The following GPR179 variants were observed in gnomAD, a reference collection of about 807,000 sequenced individuals.
GPR179 encodes the protein G protein-coupled receptor 179.
Under a neutral mutation model 70.8 loss-of-function variants are expected in GPR179, and 52 were observed. The ratio of observed to expected loss-of-function variants is 0.73; its 90% CI spans 0.59 to 0.93. The LOEUF (loss-of-function observed/expected upper bound fraction) is 0.93, where lower values mean the gene tolerates loss of function less well. GPR179 is among the 40% of genes least tolerant of loss of function. GPR179 has a pLI of 0.00. For synonymous variants in GPR179, 1,123 were observed against 1,169.0 expected (o/e 0.96, Z 0.80); for missense variants, 2,734 against 2,966.8 (o/e 0.92, Z 1.82).
At position 38,327,501 on chromosome 17, in the gene GPR179, A is replaced by G. The variant is rs1175406133; in HGVS notation, c.6068T>C (p.Val2023Ala). The change falls in exon 11 of 11, where the codon GTG becomes GCG. Residue 2023 changes from valine (V) to alanine (A), a missense_variant. Coordinates refer to ENST00000616987, the MANE Select transcript of GPR179 (RefSeq NM_001004334.4). ...SAKAETCPWEVTERIPVKGVS... is the reference protein window; with the variant it reads ...SAKAETCPWEATERIPVKGVS... ...CCCTTTGACAGGGATTCTTTCAGTC[A>G]CTTCCCAGGGACAGGTCTCAGCCTT... The G allele has an allele frequency of 1.9e-6, 3 of 1,614,074 alleles. No individual in the cohort carries two copies. The highest frequency in any genetic ancestry group is 2.5e-6 in the Non-Finnish European group (3 of 1,180,016).
chr17:38,330,655 G>T lies in GPR179; in HGVS notation c.2914C>A (p.Pro972Thr), dbSNP rs1438517043. ...PALLPALAPT[P>T]APALAPVPVS... ...GGGACTGGTGCCAGGGCAGGGGCTG[G>T]GGTTGGAGCTAGAGCTGGCAGCAGA... The change falls in exon 11 of 11, where the codon CCA becomes ACA. Residue 972 changes from proline to threonine, a missense_variant. Coordinates refer to ENST00000616987, the MANE Select transcript of GPR179 (RefSeq NM_001004334.4). 3 of 1,597,984 alleles carry T rather than the reference G, an allele frequency of 1.9e-6. No homozygotes were observed. The South Asian group carries it at 3.4e-5, about 18-fold the overall frequency.
intron 10 of GPR179, among the ~76,000 whole-genome samples, chr17:38,332,454 G>A (rs1209060281): frequency 2.0e-5 from 3 of 152,154 alleles, no homozygotes; most frequent in Non-Finnish European, 4.4e-5. Context: ...CTTTTCCAGT[G>A]TAGACCCAGG....
intron 10 of GPR179, among the ~76,000 whole-genome samples, chr17:38,332,448 T>C (rs1231672623): frequency 6.6e-6 from 1 of 152,150 alleles, no homozygotes; most frequent in Non-Finnish European, 1.5e-5. Context: ...AGCATGCTTT[T>C]CCAGTGTAGA....
In GPR179 at chr17:38,326,322, T is replaced by C; in HGVS notation, c.*143A>G. 1 of 626,244 alleles carries C rather than the reference T, an allele frequency of 1.6e-6. No individual in the cohort carries two copies. The highest frequency in any genetic ancestry group is 2.8e-6 in the Non-Finnish European group (1 of 359,694). 38.8% of individuals were successfully genotyped at this position (626,244 alleles called of 1,614,324 possible). On this transcript the variant is annotated 3_prime_UTR_variant, in exon 11 of 11. Coordinates refer to ENST00000616987, the MANE Select transcript of GPR179 (RefSeq NM_001004334.4). ...TGTACCCTTTTCATGCAGTTTGTCT[T>C]TGGGATGGGTTGACTTCTGGTCTTC...
Position 38,329,341 on chromosome 17 carries a change from T to G in GPR179, c.4228A>C (p.Arg1410=), listed in dbSNP as rs753643461. ...KDLPQEKQKT[R]KATFWKEQKP... is the part of the protein sequence containing the mutation. ...TGTTCTTTCCAAAAGGTTGCTTTCC[T>G]GGTTTTCTGCTTTTCCTGAGGGAGA... The change falls in exon 11 of 11, where the codon AGG becomes CGG. Residue 1410 remains arginine, a synonymous_variant. Coordinates refer to ENST00000616987, the MANE Select transcript of GPR179 (RefSeq NM_001004334.4). 1 of 1,613,382 alleles carries G rather than the reference T, an allele frequency of 6.2e-7. No homozygotes were observed. Among genetic ancestry groups the G allele is most frequent in the South Asian group, 1.1e-5 (1 of 90,976 alleles).
chr17:38,329,117 A>G lies in GPR179; in HGVS notation c.4452T>C (p.Asp1484=), dbSNP rs775229291. The stretch of plus-strand genomic sequence containing the variant: ...GCATTTCCTGCCCCATCACGTTATC[A>G]TCCAGCTCCCAGGGACAGATCTCTG... ...QKAEICPWEL[D]DNVMGQEMLS... is the part of the protein sequence containing the mutation. The change falls in exon 11 of 11, where the codon GAT becomes GAC. Residue 1484 remains aspartate, a synonymous_variant. Transcript: ENST00000616987. 1 of 1,613,952 alleles carries G rather than the reference A, an allele frequency of 6.2e-7. No homozygotes were observed. Among genetic ancestry groups the G allele is most frequent in the East Asian group, 2.2e-5 (1 of 44,872 alleles).
Position 38,328,889 on chromosome 17 carries a change from T to C in GPR179, c.4680A>G (p.Gln1560=). ...CTCTGCTTCCTCCATTGCATAGGAA[T>C]TGGCTACCAGCTTTGGATGAGGAAT... The part of the protein sequence containing the change: ...LDNSSSKAGS[Q]FLCNGGSRAT... The change falls in exon 11 of 11, where the codon CAA becomes CAG. Residue 1560 remains glutamine (Q), a synonymous_variant. Transcript: ENST00000616987. 1 of 1,614,054 alleles carries C rather than the reference T, an allele frequency of 6.2e-7. No individual in the cohort carries two copies. The highest frequency in any genetic ancestry group is 2.2e-5 in the East Asian group (1 of 44,856).
rs1032658483 is a variant in GPR179, at chr17:38,325,702, T to TG, written c.*762dup. On this transcript the variant is annotated 3_prime_UTR_variant, in exon 11 of 11. Coordinates refer to ENST00000616987, the MANE Select transcript of GPR179 (RefSeq NM_001004334.4). ...CTGGAAGGAAGAGCTCCCTTGACTG[T>TG]GGGGAGGACCTGGGGCAATTGCTTT... is the stretch of plus-strand genomic sequence containing the variant. 2.6e-5 allele frequency: 4 copies of TG among 152,404 alleles called. No individual in the cohort carries two copies. The highest frequency in any genetic ancestry group is 7.2e-5 in the African/African-American group (3 of 41,448). 9.4% of individuals were successfully genotyped at this position (152,404 alleles called of 1,614,324 possible). A position where few individuals can be genotyped will look rare whatever the true frequency, so the allele number is the denominator to read the frequency against.
rs764789012 is a variant in GPR179 at position 38,335,144 on chromosome 17, C to T, written c.1534G>A (p.Ala512Thr). 19 of 1,593,014 alleles carry T rather than the reference C, an allele frequency of 1.2e-5. No individual in the cohort carries two copies. Among genetic ancestry groups the T allele is most frequent in the Admixed American group, 8.9e-5 (5 of 56,120 alleles). ...LGFLAVWTVG[A>T]LERGIQHAPL... ...GCGTGCTGGATGCCTCGCTCCAGGG[C>T]GCCCACGGTCCACACAGCCAGGAAG... is the stretch of plus-strand genomic sequence containing the variant. The change falls in exon 7 of 11, where the codon GCC becomes ACC. Residue 512 changes from alanine (A) to threonine (T), a missense_variant. Physicochemically the swap from Ala to Thr is moderately conservative, Grantham distance 58. Transcript: ENST00000616987.
At chr17:38,340,386 C>T (rs991351397) in intron 1 of GPR179, among the ~76,000 whole-genome samples, 1 of 152,238 alleles carries the variant, frequency 6.6e-6, no homozygotes, top group African/African-American at 2.4e-5. Flanking sequence ...AAGCAATCCT[C>T]CCACCTCAGC....
rs373403814 is a variant in GPR179, at chr17:38,327,717, C to T, written c.5852G>A (p.Ser1951Asn). The change falls in exon 11 of 11, where the codon AGC becomes AAC. Residue 1951 changes from serine to asparagine, a missense_variant. Transcript: ENST00000616987. ...TGGACAGACGGATTGTAGCTCATGG[C>T]TTGTTTTTTCCCCATCTTCAGTAGT... ...EFTTEDGEKT[S>N]HELQSVCPWE... 20 of 1,614,056 alleles carry T rather than the reference C, an allele frequency of 1.2e-5. No individual in the cohort carries two copies. Among genetic ancestry groups the T allele is most frequent in the Middle Eastern group, 1.6e-4 (1 of 6,084 alleles).
rs1371682024 is a variant in GPR179, at chr17:38,333,971, T to G, written c.1852A>C (p.Thr618Pro). 2 of 1,613,536 alleles carry G rather than the reference T, an allele frequency of 1.2e-6. No homozygotes were observed. Among genetic ancestry groups the G allele is most frequent in the African/African-American group, 1.3e-5 (1 of 74,860 alleles). ...ATCAGAGCCAGCGTGGTGGTGACTG[T>G]GCTGTGGGTGTGGAAGAAGAAGAGG... ...LLLFFFHTHS[T>P]VTTTLALIFI... The change falls in exon 9 of 11, where the codon ACA (threonine) becomes CCA (proline). Residue 618 changes from threonine (T) to proline (P), a missense_variant. By Grantham distance (38) the Thr-to-Pro change is conservative. Transcript: ENST00000616987.
Position 38,336,967 on chromosome 17 carries a change from G to A in GPR179, c.1227+11C>T, listed in dbSNP as rs1375534804. On this transcript the variant is annotated intron_variant, in intron 4 of 10. Transcript: ENST00000616987. ...CGGACATGTGTGTAGGAGGTGTGGGGCCTTCCTTGCCTTGTTCCGGCGGCA... is the reference window on the plus strand; with the variant it reads ...CGGACATGTGTGTAGGAGGTGTGGGACCTTCCTTGCCTTGTTCCGGCGGCA... 18 of 1,575,176 alleles carry A rather than the reference G, an allele frequency of 1.1e-5. No homozygotes were observed. Among genetic ancestry groups the A allele is most frequent in the Non-Finnish European group, 1.5e-5 (17 of 1,160,648 alleles).
rs1216283238 is a variant in GPR179 at position 38,331,040 on chromosome 17, C to T, written c.2529G>A (p.Val843=). The T allele has an allele frequency of 6.2e-7, 1 of 1,608,520 alleles. No individual in the cohort carries two copies. Among genetic ancestry groups the T allele is most frequent in the East Asian group, 2.2e-5 (1 of 44,862 alleles). Residue 843 remains valine (V), a synonymous_variant, in exon 11 of 11, where the codon GTG becomes GTA. Coordinates refer to ENST00000616987, the MANE Select transcript of GPR179 (RefSeq NM_001004334.4). ...RPASLQKSLS[V]ASSREKALLM... ...GCAAGGCCTTTTCCCTGGAGCTGGC[C>T]ACACTGAGCGACTTCTGCAGAGAGG...
In GPR179 at chr17:38,328,561, T is replaced by G. The variant is rs934791217; in HGVS notation, c.5008A>C (p.Arg1670=). The G allele has an allele frequency of 2.5e-6, 4 of 1,613,946 alleles. No individual in the cohort carries two copies. In the Admixed American group the frequency reaches 6.7e-5, roughly 27 times the overall value. Residue 1670 remains arginine, a synonymous_variant, in exon 11 of 11, where the codon AGA becomes CGA. Transcript: ENST00000616987. ...GACATCTGGAGAAGGGTTTGGGGTC[T>G]CTCTGTGTCTTGAGGACGTGGTTGT... ...SPQPRPQDTE[R]PQTLLQMSGS...
chr17:38,331,181 C>G lies in GPR179; in HGVS notation c.2388G>C (p.Lys796Asn). 1 of 1,608,384 alleles carries G rather than the reference C, an allele frequency of 6.2e-7. No individual in the cohort carries two copies. The highest frequency in any genetic ancestry group is 2.2e-5 in the East Asian group (1 of 44,790). The change falls in exon 11 of 11, where the codon AAG (lysine) becomes AAC (asparagine). Residue 796 changes from lysine to asparagine, a missense_variant. Coordinates refer to ENST00000616987, the MANE Select transcript of GPR179 (RefSeq NM_001004334.4). ...CCCGGCTCTCTGTTCGAGAGGCCTT[C>G]TTGGCCAGCTTCCTCCTCAGCAGTG... ...LDSLLRRKLAKKASRTESRES... is the reference protein window; with the variant it reads ...LDSLLRRKLANKASRTESRES...
At position 38,336,917 on chromosome 17, in the gene GPR179, T is replaced by A. The variant is rs532409185; in HGVS notation, c.1227+61A>T. Reference sequence around the variant, plus strand: ...TCTCCTAAATTCTGGTCTTAGGTAGTCTCAGGCCTCCAGTTGAGATGGGTC... The same window carrying A: ...TCTCCTAAATTCTGGTCTTAGGTAGACTCAGGCCTCCAGTTGAGATGGGTC... On this transcript the variant is annotated intron_variant, in intron 4 of 10. Transcript: ENST00000616987. 5 of 1,502,232 alleles carry A rather than the reference T, an allele frequency of 3.3e-6. No individual in the cohort carries two copies. The African/African-American group carries it at 5.5e-5, about 17-fold the overall frequency. The allele number at this position is 1,502,232 out of a possible 1,614,324, so 93.1% of individuals were successfully genotyped here.
In GPR179 at chr17:38,342,905, G is replaced by A. The variant is rs367993014; in HGVS notation, c.794+91C>T. On this transcript the variant is annotated intron_variant, in intron 1 of 10. Coordinates refer to ENST00000616987, the MANE Select transcript of GPR179 (RefSeq NM_001004334.4). ...GTGCCCCCCAGGCATGCACATGTTC[G>A]TGCCAAATGGCCCAGGCACAGCTGA... is the stretch of plus-strand genomic sequence containing the variant. 4.8e-5 allele frequency: 61 copies of A among 1,274,294 alleles called. No individual in the cohort carries two copies. In the Admixed American group the frequency reaches 6.3e-4, roughly 13 times the overall value. The allele number at this position is 1,274,294 out of a possible 1,614,324, so 78.9% of individuals were successfully genotyped here. A position where few individuals can be genotyped will look rare whatever the true frequency, so the allele number is the denominator to read the frequency against.
rs59208852 is a variant in GPR179, at chr17:38,335,083, C to T, written c.1595G>A (p.Arg532His). 3,608 of 1,613,412 alleles carry T rather than the reference C, an allele frequency of 2.2e-3. 58 individuals are homozygous for T. The African/African-American group carries it at 0.04, about 18-fold the overall frequency. ...LVIRGHTPSGRHFYLCHHDRW... is the reference protein window; with the variant it reads ...LVIRGHTPSGHHFYLCHHDRW... The stretch of plus-strand genomic sequence containing the variant: ...GTCGTGGTGACAGAGGTAGAAATGG[C>T]GGCCACTGGGAGTGTGGCCTCGGAT... Residue 532 changes from arginine to histidine, a missense_variant, in exon 7 of 11, where the codon CGC becomes CAC. Transcript: ENST00000616987.
Sources: gnomAD v4.1 joint callset for allele counts (sites outside exome capture counted in the v4.1 genomes callset) on GRCh38, gnomAD v4.1.1 for gene constraint, MANE v1.5 for transcripts, NCBI Gene and HGNC (gene_info 2026-07-23, HGNC 2026-07-21) for gene names.